Variants in YY1AP1 observed in about 807,000 individuals in gnomAD.
YY1AP1 encodes YY1 associated protein 1, also known as YY1-associated protein 1.
YY1AP1 carries 43 observed loss-of-function variants against 39.9 expected under a neutral mutation model. The observed-to-expected ratio is 1.08, with a 90% CI of 0.84 to 1.39. YY1AP1 has a LOEUF of 1.39. Among genes scored for constraint, YY1AP1 ranks in the 40% most tolerant of loss-of-function variants. The pLI is 0.00. For synonymous variants in YY1AP1, 292 were observed against 331.3 expected (o/e 0.88, Z 1.29); for missense variants, 813 against 900.7 (o/e 0.90, Z 1.25).
intron 2 of YY1AP1, among the ~76,000 whole-genome samples, chr1:155,681,589 C>CAA (rs1320701202): frequency 6.9e-6 from 1 of 144,164 alleles, no homozygotes; most frequent in African/African-American, 2.6e-5. Flanking sequence ...ACACTGTCTC[C>CAA]AAAAAAAAAA....
At position 155,667,953 on chromosome 1, in the gene YY1AP1, AACACACAC is replaced by A. The variant is rs575258946; in HGVS notation, c.879+666_879+673del. 3.3e-3 allele frequency among the ~76,000 whole-genome samples: 473 copies of A among 144,934 alleles called. 3 individuals are homozygous for A. Among genetic ancestry groups the A allele is most frequent in the African/African-American group, 0.011 (427 of 38,136 alleles). The stretch of plus-strand genomic sequence containing the variant: ...ATACATACAGACACAGACACACACA[AACACACAC>A]ACACACACACACACACATACATGCA... On this transcript the variant is annotated intron_variant, in intron 9 of 10. Coordinates refer to ENST00000355499, the MANE Select transcript of YY1AP1 (RefSeq NM_139119.3).
rs775549264 is a variant in YY1AP1 at position 155,679,487 on chromosome 1, T to A, written c.47A>T (p.Asn16Ile). 3 of 1,614,108 alleles carry A rather than the reference T, an allele frequency of 1.9e-6. No homozygotes were observed. The highest frequency in any genetic ancestry group is 2.5e-6 in the Non-Finnish European group (3 of 1,180,048). The change falls in exon 4 of 11, where the codon AAC becomes ATC. Residue 16 changes from asparagine to isoleucine, a missense_variant. Coordinates refer to ENST00000355499, the MANE Select transcript of YY1AP1 (RefSeq NM_139119.3). ...CTCTTCTGGGCCATCATCTTCCATG[T>A]TGGAGAATCCCATCTCATCTTGGAA... ...ETFQDEMGFS[N>I]MEDDGPEEEE...
chr1:155,662,710 T>C (rs866453820), intron 9 of YY1AP1, among the ~76,000 whole-genome samples: 19 of 151,950 alleles, frequency 1.3e-4, no homozygotes, highest in Middle Eastern at 3.2e-3. Flanking sequence ...CATTAAAAAA[T>C]GTACAAAGGG....
intron 1 of YY1AP1, 97 bp from the exon 2 acceptor site, chr1:155,688,298 C>T: frequency 1.3e-6 from 2 of 1,568,842 alleles, no homozygotes; most frequent in Non-Finnish European, 1.7e-6. Context: ...GATCGTTTCC[C>T]CTCGCAAAGC....
At chr1:155,688,458 C>A in intron 1 of YY1AP1, 1 of 1,549,416 alleles carries the variant, frequency 6.5e-7, no homozygotes, top group Non-Finnish European at 8.7e-7. Flanking sequence ...CGCCCGACTC[C>A]GGCCATGTAG....
At chr1:155,679,259 T>C (rs761857086) in intron 4 of YY1AP1, 150 bp downstream of exon 4, 3 of 1,539,148 alleles carry the variant, frequency 1.9e-6, no homozygotes, top group Middle Eastern at 1.7e-4. Flanking sequence ...GAGACTTCAC[T>C]TGACACCTAA....
chr1:155,683,433 G>C (rs1017042663), intron 2 of YY1AP1, among the ~76,000 whole-genome samples: 5 of 152,176 alleles, frequency 3.3e-5, no homozygotes, highest in African/African-American at 1.2e-4. Flanking sequence ...TGGATCACTT[G>C]AGGTCAGGAG....
Position 155,668,711 on chromosome 1 carries a change from G to C in YY1AP1, c.795C>G (p.Tyr265Ter). Reference protein sequence around the residue: ...TEFLNPLISKYLLTCKTARQL... With the variant: ...TEFLNPLISK ...GGCGGGCAGTCTTGCAGGTTAGAAG[G>C]TACTTGCTGATTAGAGGGTTAAGAA... The change falls in exon 9 of 11, where the codon TAC becomes TAG. Residue 265 changes from tyrosine to a stop codon, truncating the protein, a stop_gained. Coordinates refer to ENST00000355499, the MANE Select transcript of YY1AP1 (RefSeq NM_139119.3). LOFTEE classifies it high-confidence loss of function. The C allele has an allele frequency of 6.2e-7, 1 of 1,614,152 alleles. No homozygotes were observed. The highest frequency in any genetic ancestry group is 8.5e-7 in the Non-Finnish European group (1 of 1,180,042).
intron 5 of YY1AP1, 48 bp downstream of exon 5, chr1:155,676,500 T>C: frequency 6.2e-7 from 1 of 1,607,410 alleles, no homozygotes; most frequent in East Asian, 2.2e-5. Context: ...AGCCTCAGAG[T>C]TAGGCCTTGG....
chr1:155,664,994 T>C (rs988776756), intron 9 of YY1AP1, among the ~76,000 whole-genome samples: 8 of 151,790 alleles, frequency 5.3e-5, no homozygotes, highest in African/African-American at 1.9e-4. Flanking sequence ...ATGGTCTCGA[T>C]TTCCCGACCT....
In YY1AP1 at chr1:155,672,685, T is replaced by G; in HGVS notation, c.458A>C (p.Gln153Pro). ...CAGGGTCTGAAACTTGGGGTTGTACTGATGGTGAAGGGCGATGGAGCTTTG... is the reference window on the plus strand; with the variant it reads ...CAGGGTCTGAAACTTGGGGTTGTACGGATGGTGAAGGGCGATGGAGCTTTG... ...FAQSSIALHHQYNPKFQTLFQ... is the reference protein window; with the variant it reads ...FAQSSIALHHPYNPKFQTLFQ... Residue 153 changes from glutamine (Q) to proline (P), a missense_variant, in exon 7 of 11, where the codon CAG (glutamine) becomes CCG (proline). Transcript: ENST00000355499. The G allele has an allele frequency of 3.7e-6, 6 of 1,614,174 alleles. No individual in the cohort carries two copies. Among genetic ancestry groups the G allele is most frequent in the Non-Finnish European group, 5.1e-6 (6 of 1,180,028 alleles).
At chr1:155,686,771 A>T (rs1339615640) in intron 2 of YY1AP1, among the ~76,000 whole-genome samples, 4 of 152,182 alleles carry the variant, frequency 2.6e-5, no homozygotes, top group Non-Finnish European at 5.9e-5. Flanking sequence ...ATAGCCATGG[A>T]TATGCATTTC....
At position 155,672,650 on chromosome 1, in the gene YY1AP1, AG is replaced by A. The variant is rs1650038522; in HGVS notation, c.492del (p.Cys165ValfsTer3). The A allele has an allele frequency of 6.2e-7, 1 of 1,613,918 alleles. No homozygotes were observed. Among genetic ancestry groups the A allele is most frequent in the Admixed American group, 1.7e-5 (1 of 59,998 alleles). On this transcript the variant is annotated frameshift_variant, in exon 7 of 11. Coordinates refer to ENST00000355499, the MANE Select transcript of YY1AP1 (RefSeq NM_139119.3). LOFTEE classifies it high-confidence loss of function. ...AGCTGCATAGCTCCCATCAAGTTAC[AG>A]GGTTGGAACAGGGTCTGAAACTTGG... ...YNPKFQTLFQPCNLMGAMQLI... is the reference protein window; with the variant it reads ...YNPKFQTLFQXCNLMGAMQLI...
intron 9 of YY1AP1, among the ~76,000 whole-genome samples, chr1:155,664,140 AG>A (rs1431999807): frequency 6.6e-6 from 1 of 151,978 alleles, no homozygotes; most frequent in Non-Finnish European, 1.5e-5. Context: ...AAAAAAAAAA[AG>A]TTAAATGGCA....
At chr1:155,688,438 TC>T (rs1262967888) in intron 1 of YY1AP1, 1 of 1,547,292 alleles carries the variant, frequency 6.5e-7, no homozygotes, top group African/African-American at 1.4e-5. Flanking sequence ...TTCCCCACGG[TC>T]CCCCGCTTCG....
intron 2 of YY1AP1, chr1:155,687,853 C>T (rs893003498): frequency 3.8e-6 from 2 of 524,718 alleles, no homozygotes; most frequent in African/African-American, 1.9e-5. Context: ...TTCCCAGCCC[C>T]CTCCGGGAGT....
chr1:155,660,237 G>T lies in YY1AP1; in HGVS notation c.1673C>A (p.Pro558His). ...IHPASVIFTV[P>H]ATTVKIVSLG... ...GCTCACAATCTTCACAGTGGTAGCA[G>T]GAACAGTGAAGATAACAGATGCAGG... Residue 558 changes from proline (P) to histidine (H), a missense_variant, in exon 11 of 11, where the codon CCT becomes CAT. By Grantham distance (77) the Pro-to-His change is moderately conservative (BLOSUM62 -2). Coordinates refer to ENST00000355499, the MANE Select transcript of YY1AP1 (RefSeq NM_139119.3). The T allele has an allele frequency of 6.2e-7, 1 of 1,614,216 alleles. No homozygotes were observed. The highest frequency in any genetic ancestry group is 8.5e-7 in the Non-Finnish European group (1 of 1,180,042).
At chr1:155,687,566 G>C (rs1384190481) in intron 2 of YY1AP1, among the ~76,000 whole-genome samples, 1 of 142,758 alleles carries the variant, frequency 7.0e-6, no homozygotes, top group African/African-American at 3.0e-5. Context: ...CTGTCTGCTA[G>C]ACCAAAAACA....
At position 155,688,184 on chromosome 1, in the gene YY1AP1, G is replaced by T. The variant is rs753340200; in HGVS notation, c.-134C>A. The stretch of plus-strand genomic sequence containing the variant: ...GGATCCCTCCCGCTTGTCAGGAGGC[G>T]GCCAGCGGGTAAGCCGACTGGCGGA... On this transcript the variant is annotated 5_prime_UTR_variant, in exon 2 of 11. Coordinates refer to ENST00000355499, the MANE Select transcript of YY1AP1 (RefSeq NM_139119.3). The T allele has an allele frequency of 6.2e-7, 1 of 1,614,026 alleles. No homozygotes were observed. The highest frequency in any genetic ancestry group is 8.5e-7 in the Non-Finnish European group (1 of 1,179,990).
Sources: allele counts gnomAD v4.1 joint callset (sites outside exome capture counted in the v4.1 genomes callset), GRCh38; gene constraint gnomAD v4.1.1; transcripts MANE v1.5; gene names NCBI Gene and HGNC (gene_info 2026-07-23, HGNC 2026-07-21).